Variants in HIVEP2 observed in about 807,000 individuals in gnomAD.
HIVEP2 encodes HIVEP zinc finger 2.
HIVEP2 carries 14 observed loss-of-function variants against 180.7 expected under a neutral mutation model. The observed-to-expected ratio is 0.08, with a 90% CI of 0.05 to 0.12. The LOEUF is 0.12. HIVEP2 is among the 10% of genes least tolerant of loss of function. The pLI, the probability that HIVEP2 is intolerant of heterozygous loss-of-function variation, is 1.00. For missense variants in HIVEP2, 2,579 were observed against 3,008.5 expected, an observed-to-expected ratio of 0.86 and a Z score of 3.34; for synonymous variants, 1,184 against 1,136.4, an observed-to-expected ratio of 1.04 and a Z score of -0.84.
At chr6:142,846,809 G>GA (rs540379149) in intron 1 of HIVEP2, among the ~76,000 whole-genome samples, 136 of 150,628 alleles carry the variant, frequency 9.0e-4, no homozygotes, top group Middle Eastern at 3.4e-3. Flanking sequence ...ACAAACTAAG[G>GA]AAAAAAAAAC....
At chr6:142,941,560 G>A (rs1007121799) in intron 1 of HIVEP2, among the ~76,000 whole-genome samples, 3 of 151,930 alleles carry the variant, frequency 2.0e-5, no homozygotes, top group Admixed American at 2.0e-4. Flanking sequence ...AATCCTACAG[G>A]TTTCACAGTA....
chr6:142,928,830 C>T (rs965162369), intron 1 of HIVEP2, among the ~76,000 whole-genome samples: 7 of 152,304 alleles, frequency 4.6e-5, no homozygotes, highest in Non-Finnish European at 8.8e-5. Context: ...ACTCCTTATT[C>T]CTAACTGCAA....
intron 1 of HIVEP2, among the ~76,000 whole-genome samples, chr6:142,872,215 G>A (rs1281881588): frequency 6.6e-6 from 1 of 152,120 alleles, no homozygotes; most frequent in Non-Finnish European, 1.5e-5. Flanking sequence ...TATATAACTT[G>A]GGAACAGGTC....
At chr6:142,877,409 C>A (rs971146216) in intron 1 of HIVEP2, among the ~76,000 whole-genome samples, 6 of 152,130 alleles carry the variant, frequency 3.9e-5, no homozygotes, top group African/African-American at 1.2e-4. Flanking sequence ...ATGAATACCA[C>A]AATACAAATT....
rs185249580 is a variant in HIVEP2 at position 142,775,909 on chromosome 6, T to C, written c.-388+238A>G. Among the ~76,000 whole-genome samples, 1,001 of 151,176 alleles carry C rather than the reference T, an allele frequency of 6.6e-3. 8 individuals carry two copies. The highest frequency in any genetic ancestry group is 0.023 in the African/African-American group (952 of 41,324). On this transcript the variant is annotated intron_variant, in intron 4 of 9. Transcript: ENST00000367603. ...CATAGTATACATATAAGCATACATA[T>C]ATGATACATGTTTTATAAAATACAT...
chr6:142,926,368 T>C (rs936727091), intron 1 of HIVEP2, among the ~76,000 whole-genome samples: 6 of 152,362 alleles, frequency 3.9e-5, no homozygotes, highest in Admixed American at 3.9e-4. Flanking sequence ...ATCATTTTCT[T>C]GTAATGATTC....
chr6:142,799,335 C>G (rs911035040), intron 2 of HIVEP2, among the ~76,000 whole-genome samples: 8 of 152,088 alleles, frequency 5.3e-5, no homozygotes, highest in Non-Finnish European at 1.2e-4. Flanking sequence ...ACAACATTCT[C>G]GTCCTAAGTG....
At chr6:142,859,966 G>T (rs576694734) in intron 1 of HIVEP2, among the ~76,000 whole-genome samples, 2 of 151,686 alleles carry the variant, frequency 1.3e-5, no homozygotes, top group Non-Finnish European at 2.9e-5. Context: ...TTCCTGAAAA[G>T]AAAGAATTCT....
At chr6:142,851,689 AATGT>A (rs1160830603) in intron 1 of HIVEP2, among the ~76,000 whole-genome samples, 1 of 152,250 alleles carries the variant, frequency 6.6e-6, no homozygotes, top group Non-Finnish European at 1.5e-5. Context: ...ACATAGTGGC[AATGT>A]AAAAAGATAC....
intron 1 of HIVEP2, among the ~76,000 whole-genome samples, chr6:142,860,824 T>C (rs1582920488): frequency 6.6e-6 from 1 of 152,224 alleles, no homozygotes; most frequent in East Asian, 1.9e-4. Flanking sequence ...ACCCCTGCTT[T>C]ACAGGCTATC....
At chr6:142,912,591 T>C (rs1249039735) in intron 1 of HIVEP2, among the ~76,000 whole-genome samples, 2 of 152,202 alleles carry the variant, frequency 1.3e-5, no homozygotes, top group East Asian at 3.8e-4. Context: ...CAGCACCAGG[T>C]GAGTGGTGGG....
At chr6:142,855,764 C>T (rs1030140232) in intron 1 of HIVEP2, among the ~76,000 whole-genome samples, 1 of 152,110 alleles carries the variant, frequency 6.6e-6, no homozygotes, top group Non-Finnish European at 1.5e-5. Context: ...AGAGTGTCAA[C>T]GTTGGACTCA....
Position 142,760,644 on chromosome 6 carries a change from C to T in HIVEP2, c.5644G>A (p.Ala1882Thr), listed in dbSNP as rs781316092. The T allele has an allele frequency of 6.2e-7, 1 of 1,602,388 alleles. No individual in the cohort carries two copies. Among genetic ancestry groups the T allele is most frequent in the Admixed American group, 1.7e-5 (1 of 57,592 alleles). ...CTGGACATGCTATGCTTCTCTGCTG[C>T]TTTGTGCAAATCTTCCAAATTTTCT... Reference protein sequence around the residue: ...EAENLEDLHKAAEKHSMSSIS... With the variant: ...EAENLEDLHKTAEKHSMSSIS... The change falls in exon 9 of 10, where the codon GCA becomes ACA. Residue 1882 changes from alanine (A) to threonine (T), a missense_variant. This residue lies in a region of HIVEP2 where 660 missense variants were observed against 731.7 expected (regional missense o/e 0.90). Transcript: ENST00000367603.
rs578158706 is a variant in HIVEP2, at chr6:142,779,076, T to A, written c.-432-2885A>T. On this transcript the variant is annotated intron_variant, in intron 3 of 9. Coordinates refer to ENST00000367603, the MANE Select transcript of HIVEP2 (RefSeq NM_006734.4). The stretch of plus-strand genomic sequence containing the variant: ...TAATAAAGTCTCATGCCAGACTGTT[T>A]TCTTTTGTTCTTTGAAAATCATTAC... Among the ~76,000 whole-genome samples the A allele has an allele frequency of 7.3e-4, 111 of 152,290 alleles. 1 individual carries two copies. Among genetic ancestry groups the A allele is most frequent in the African/African-American group, 2.5e-3 (106 of 41,570 alleles).
chr6:142,922,754 T>A (rs1481410111), intron 1 of HIVEP2, among the ~76,000 whole-genome samples: 4 of 152,214 alleles, frequency 2.6e-5, no homozygotes, highest in African/African-American at 9.7e-5. Context: ...GTAAGTCTGA[T>A]TAAGCAACAG....
At chr6:142,824,426 T>C (rs967917445) in intron 2 of HIVEP2, among the ~76,000 whole-genome samples, 1 of 152,212 alleles carries the variant, frequency 6.6e-6, no homozygotes, top group African/African-American at 2.4e-5. Context: ...TGCAACTTCA[T>C]GTTCTGTGCA....
At chr6:142,761,604 T>A in intron 7 of HIVEP2, 39 bp from the exon 8 acceptor site, 4 of 1,103,418 alleles carry the variant, frequency 3.6e-6, no homozygotes, top group Non-Finnish European at 5.6e-6. Flanking sequence ...AATTAATTGG[T>A]TATCAAATTA....
intron 1 of HIVEP2, among the ~76,000 whole-genome samples, chr6:142,847,066 C>T (rs1240063282): frequency 6.6e-6 from 1 of 152,170 alleles, no homozygotes; most frequent in African/African-American, 2.4e-5. Flanking sequence ...GTTGAGATCA[C>T]TCAACTCTAA....
Position 142,770,547 on chromosome 6 carries a change from G to C in HIVEP2, c.4192C>G (p.His1398Asp). 6.2e-7 allele frequency: 1 copy of C among 1,614,224 alleles called. No homozygotes were observed. ...ATGGGGTACTTCTCCAAGCCCGCAT[G>C]CTGCCCCAGCACCTGGGCAATGTTG... ...GFNIAQVLGQHAGLEKYPIWK... is the reference protein window; with the variant it reads ...GFNIAQVLGQDAGLEKYPIWK... The change falls in exon 5 of 10, where the codon CAT (histidine) becomes GAT (aspartate). Residue 1398 changes from histidine to aspartate, a missense_variant. Physicochemically the swap from His to Asp is moderately conservative, Grantham distance 81. This residue lies in a region of HIVEP2 where 523 missense variants were observed against 577.0 expected (regional missense o/e 0.91). Transcript: ENST00000367603. This position sits in a 1 kb window ranked among gnomAD's most constrained non-coding sequence, Gnocchi z 4.7.
Sources: allele counts gnomAD v4.1 joint callset (sites outside exome capture counted in the v4.1 genomes callset), GRCh38; gene constraint gnomAD v4.1.1; regional missense constraint gnomAD v4.1.1; non-coding constraint Gnocchi (gnomAD v3.1); transcripts MANE v1.5; gene names NCBI Gene and HGNC (gene_info 2026-07-23, HGNC 2026-07-21).